CEP192: variants seen among roughly 807,000 people sequenced by gnomAD.
The protein encoded by CEP192 is centrosomal protein of 192 kDa.
In CEP192, 151 loss-of-function variants were observed where a neutral mutation model predicts 271.8. The observed-to-expected ratio is 0.56, with a 90% confidence interval of 0.49 to 0.64. The LOEUF (loss-of-function observed/expected upper bound fraction) is 0.64, where lower values mean the gene tolerates loss of function less well. CEP192 is among the 30% of genes least tolerant of loss of function. The pLI, the probability that CEP192 is intolerant of heterozygous loss-of-function variation, is 0.00. For synonymous variants in CEP192, 995 were observed against 1,076.5 expected, an observed-to-expected ratio of 0.92 and a Z score of 1.48; for missense variants, 2,910 against 3,020.5, an observed-to-expected ratio of 0.96 and a Z score of 0.86.
intron 3 of CEP192, among the ~76,000 whole-genome samples, chr18:13,005,031 A>G (rs1406363378): frequency 6.6e-6 from 1 of 152,126 alleles, no homozygotes; most frequent in African/African-American, 2.4e-5. Flanking sequence ...TTGTGGTACT[A>G]GAGGCAAGAG....
intron 21 of CEP192, 49 bp from the exon 22 acceptor site, chr18:13,067,782 C>G (rs757622759): frequency 4.0e-6 from 6 of 1,493,646 alleles, no homozygotes; most frequent in Non-Finnish European, 5.6e-6. Context: ...ACATGTTGTG[C>G]TATTAATATA....
intron 1 of CEP192, among the ~76,000 whole-genome samples, chr18:12,992,002 A>G (rs1315198246): frequency 1.3e-5 from 2 of 152,232 alleles, no homozygotes; most frequent in African/African-American, 4.8e-5. Context: ...GTTTACCTAC[A>G]TTCCTTGCCT....
chr18:13,092,610 A>G, intron 34 of CEP192, 83 bp downstream of exon 34: 1 of 948,876 alleles, frequency 1.1e-6, no homozygotes, highest in Non-Finnish European at 1.6e-6. Context: ...CCTGTACTTC[A>G]CTATTATTAT....
intron 33 of CEP192, 74 bp downstream of exon 33, chr18:13,089,639 G>A (rs2144724581): frequency 2.8e-6 from 2 of 707,850 alleles, no homozygotes; most frequent in Non-Finnish European, 4.8e-6. Flanking sequence ...CCAATGATGT[G>A]ATATAAGAAG....
chr18:12,999,297 C>T, intron 1 of CEP192, 124 bp from the exon 2 acceptor site: 1 of 671,556 alleles, frequency 1.5e-6, no homozygotes, highest in Non-Finnish European at 2.4e-6. Context: ...CTATTTCCCC[C>T]TTACTAATGC....
chr18:13,036,424 C>A (rs1217346933), intron 11 of CEP192, among the ~76,000 whole-genome samples: 1 of 152,220 alleles, frequency 6.6e-6, no homozygotes, highest in Non-Finnish European at 1.5e-5. Flanking sequence ...GTGGACTGTT[C>A]CCTCTGGCTC....
chr18:13,003,781 C>G (rs2033808022), intron 3 of CEP192, among the ~76,000 whole-genome samples: 1 of 152,112 alleles, frequency 6.6e-6, no homozygotes. Flanking sequence ...GTCTGGGTGA[C>G]AGAGTGAGAC....
At chr18:13,101,616 G>C (rs922638808) in intron 38 of CEP192, among the ~76,000 whole-genome samples, 4 of 152,204 alleles carry the variant, frequency 2.6e-5, no homozygotes, top group Non-Finnish European at 2.9e-5. Flanking sequence ...TCTCTCACCT[G>C]CCCTCTAGCT....
chr18:13,122,236 A>T (rs1161429132), intron 44 of CEP192, among the ~76,000 whole-genome samples: 2 of 152,260 alleles, frequency 1.3e-5, no homozygotes, highest in East Asian at 3.8e-4. Context: ...ATCCTGGCCA[A>T]CATGGTGAAA....
At chr18:13,093,836 G>A (rs2039263464) in intron 34 of CEP192, among the ~76,000 whole-genome samples, 2 of 152,202 alleles carry the variant, frequency 1.3e-5, no homozygotes, top group South Asian at 4.1e-4. Flanking sequence ...CTTGCAAAAA[G>A]CATTCCATAG....
intron 3 of CEP192, among the ~76,000 whole-genome samples, chr18:13,007,616 A>G (rs2034066945): frequency 6.6e-6 from 1 of 151,798 alleles, no homozygotes; most frequent in African/African-American, 2.4e-5. Flanking sequence ...CCTTTCCTGT[A>G]CTCAATGAAA....
Position 13,049,282 on chromosome 18 carries a change from A to C in CEP192, c.2491A>C (p.Ser831Arg). Reference sequence around the variant, plus strand: ...TCATCCGGTGGACTTAAGTGCTACTAGTGTAAGTGTGAGGGCACCAGAAGA... The same window carrying C: ...TCATCCGGTGGACTTAAGTGCTACTCGTGTAAGTGTGAGGGCACCAGAAGA... ...DIHPVDLSAT[S>R]VSVRAPEENT... Residue 831 changes from serine (S) to arginine (R), a missense_variant, in exon 16 of 45, where the codon AGT (serine) becomes CGT (arginine). By Grantham distance (110) the Ser-to-Arg change is moderately radical. Transcript: ENST00000506447. 1 of 1,614,144 alleles carries C rather than the reference A, an allele frequency of 6.2e-7. No homozygotes were observed. The highest frequency in any genetic ancestry group is 8.5e-7 in the Non-Finnish European group (1 of 1,180,018).
intron 2 of CEP192, among the ~76,000 whole-genome samples, chr18:12,999,828 ATTTTTTTT>A (rs36207281): frequency 4.0e-5 from 5 of 124,034 alleles, no homozygotes; most frequent in South Asian, 4.9e-4. Context: ...ATTTCGGTCT[ATTTTTTTT>A]TTTTTTTTTT....
intron 15 of CEP192, among the ~76,000 whole-genome samples, chr18:13,046,328 C>T (rs1340330680): frequency 6.6e-6 from 1 of 152,174 alleles, no homozygotes; most frequent in Non-Finnish European, 1.5e-5. Flanking sequence ...GCCTCACCTC[C>T]AACACTGGGG....
chr18:13,036,657 C>G (rs2035934026), intron 11 of CEP192, among the ~76,000 whole-genome samples: 4 of 152,252 alleles, frequency 2.6e-5, no homozygotes, highest in Admixed American at 2.6e-4. Context: ...CCCATTTGCC[C>G]CATCCCTCTG....
In CEP192 at chr18:13,117,548, T is replaced by G. The variant is rs552090268; in HGVS notation, c.7417-37T>G. On this transcript the variant is annotated intron_variant, in intron 43 of 44. Transcript: ENST00000506447. ...CTTATATATGCTAAAAGATCTAATT[T>G]TCATAACTTTATAAAGTGTCTTCTA... 22 of 1,460,304 alleles carry G rather than the reference T, an allele frequency of 1.5e-5. No individual in the cohort carries two copies. The East Asian group carries it at 4.5e-4, about 30-fold the overall frequency. The allele number at this position is 1,460,304 out of a possible 1,614,324, so 90.5% of individuals were successfully genotyped here.
chr18:13,049,846 T>A lies in CEP192; in HGVS notation c.2972T>A (p.Leu991Gln). The A allele has an allele frequency of 6.2e-7, 1 of 1,613,936 alleles. No homozygotes were observed. Among genetic ancestry groups the A allele is most frequent in the Admixed American group, 1.7e-5 (1 of 60,024 alleles). ...QESFRPSTSP[L>Q]SHSSPSEISG... Reference sequence around the variant, plus strand: ...AGCTTCAGACCTTCCACGTCACCACTGAGTCATTCTTCTCCTAGTGAAATT... The same window carrying A: ...AGCTTCAGACCTTCCACGTCACCACAGAGTCATTCTTCTCCTAGTGAAATT... The change falls in exon 17 of 45, where the codon CTG becomes CAG. Residue 991 changes from leucine (L) to glutamine (Q), a missense_variant. Coordinates refer to ENST00000506447, the MANE Select transcript of CEP192 (RefSeq NM_032142.4).
chr18:13,017,215 A>C lies in CEP192; in HGVS notation c.668A>C (p.Tyr223Ser). The change falls in exon 7 of 45, where the codon TAT (tyrosine) becomes TCT (serine). Residue 223 changes from tyrosine to serine, a missense_variant. Coordinates refer to ENST00000506447, the MANE Select transcript of CEP192 (RefSeq NM_032142.4). ...GATGATATTGATGATGAAATGTTTTATGATGATCATTTGGAGGCTTATTTT... is the reference window on the plus strand; with the variant it reads ...GATGATATTGATGATGAAATGTTTTCTGATGATCATTTGGAGGCTTATTTT... ...SDDDIDDEMF[Y>S]DDHLEAYFEQ... The C allele has an allele frequency of 6.5e-7, 1 of 1,548,860 alleles. No homozygotes were observed. The highest frequency in any genetic ancestry group is 8.7e-7 in the Non-Finnish European group (1 of 1,146,028).
At chr18:13,032,454 A>C (rs1214478647) in intron 11 of CEP192, among the ~76,000 whole-genome samples, 1 of 152,170 alleles carries the variant, frequency 6.6e-6, no homozygotes, top group African/African-American at 2.4e-5. Context: ...TTGCTCAATG[A>C]TATCTTGATC....
Sources: gnomAD v4.1 joint callset for allele counts (sites outside exome capture counted in the v4.1 genomes callset) on GRCh38, gnomAD v4.1.1 for gene constraint, MANE v1.5 for transcripts, NCBI Gene and HGNC (gene_info 2026-07-23, HGNC 2026-07-21) for gene names.